ATE1: variants seen among roughly 807,000 people sequenced by gnomAD.
The protein encoded by ATE1 is arginyl-tRNA--protein transferase 1.
A neutral mutation model predicts 70.5 loss-of-function variants in ATE1; 36 were observed. The ratio of observed to expected loss-of-function variants is 0.51; its 90% CI spans 0.39 to 0.67. The LOEUF (loss-of-function observed/expected upper bound fraction) is 0.67, where lower values mean the gene tolerates loss of function less well. ATE1 is among the 30% of genes least tolerant of loss of function. The pLI is 0.00. For synonymous variants in ATE1, 232 were observed against 219.3 expected (o/e 1.06, Z -0.51); for missense variants, 593 against 629.5 (o/e 0.94, Z 0.62).
chr10:121,907,971 G>T (rs966919213), intron 5 of ATE1, among the ~76,000 whole-genome samples: 5 of 152,048 alleles, frequency 3.3e-5, no homozygotes, highest in African/African-American at 1.2e-4. Context: ...TCGAAGAAAT[G>T]CCTGTACAAG....
At chr10:121,917,456 G>A (rs1428492057) in intron 3 of ATE1, among the ~76,000 whole-genome samples, 1 of 152,176 alleles carries the variant, frequency 6.6e-6, no homozygotes, top group East Asian at 1.9e-4. Flanking sequence ...TGGTTCAGTT[G>A]TGAAGCATAT....
At chr10:121,819,841 A>T (rs1399165474) in intron 10 of ATE1, among the ~76,000 whole-genome samples, 1 of 151,594 alleles carries the variant, frequency 6.6e-6, no homozygotes, top group Non-Finnish European at 1.5e-5. Context: ...TAAAATTTAA[A>T]AATAAACCAA....
At chr10:121,748,683 G>T (rs1944463343) in intron 11 of ATE1, among the ~76,000 whole-genome samples, 1 of 151,632 alleles carries the variant, frequency 6.6e-6, no homozygotes, top group African/African-American at 2.4e-5. Flanking sequence ...CACTTTTGAG[G>T]CCTAGAATTG....
chr10:121,835,276 T>C (rs945270160), intron 10 of ATE1, among the ~76,000 whole-genome samples: 1 of 152,168 alleles, frequency 6.6e-6, no homozygotes, highest in African/African-American at 2.4e-5. Flanking sequence ...TCAGCTTACC[T>C]GGACTGTCAA....
intron 9 of ATE1, among the ~76,000 whole-genome samples, chr10:121,840,667 T>A (rs980257872): frequency 6.6e-6 from 1 of 151,942 alleles, no homozygotes; most frequent in African/African-American, 2.4e-5. Context: ...GCATCAGTTC[T>A]AAAGATAGTA....
intron 11 of ATE1, among the ~76,000 whole-genome samples, chr10:121,760,420 C>G (rs972772178): frequency 6.6e-6 from 1 of 152,198 alleles, no homozygotes; most frequent in Non-Finnish European, 1.5e-5. Flanking sequence ...TCAACATTAA[C>G]AGACATTTGG....
intron 11 of ATE1, among the ~76,000 whole-genome samples, chr10:121,746,382 G>A (rs1944371702): frequency 6.6e-6 from 1 of 152,138 alleles, no homozygotes; most frequent in Non-Finnish European, 1.5e-5. Flanking sequence ...ATTAATTACA[G>A]ACTTTCACGC....
chr10:121,762,588 A>G (rs1013532702), intron 11 of ATE1, among the ~76,000 whole-genome samples: 3 of 151,788 alleles, frequency 2.0e-5, no homozygotes, highest in Non-Finnish European at 4.4e-5. Context: ...AAAGATGTGC[A>G]TATTTGGTGA....
chr10:121,767,674 C>T (rs112331648), intron 11 of ATE1, among the ~76,000 whole-genome samples: 3 of 152,090 alleles, frequency 2.0e-5, no homozygotes, highest in African/African-American at 7.2e-5. Context: ...AGGTGATCAA[C>T]AACATTAATC....
intron 8 of ATE1, among the ~76,000 whole-genome samples, chr10:121,850,503 C>T (rs542415999): frequency 1.4e-4 from 21 of 152,140 alleles, no homozygotes; most frequent in Non-Finnish European, 2.4e-4. Flanking sequence ...ATTGTATTTC[C>T]TTAAACCTTA....
upstream of ATE1, chr10:121,928,348 G>A (rs1257755153): frequency 8.5e-6 from 13 of 1,528,934 alleles, no homozygotes; most frequent in Non-Finnish European, 1.1e-5. Flanking sequence ...AACACTCACC[G>A]CAGGACGCTT....
chr10:121,788,918 A>C (rs1946320178), intron 11 of ATE1, among the ~76,000 whole-genome samples: 1 of 152,240 alleles, frequency 6.6e-6, no homozygotes, highest in Non-Finnish European at 1.5e-5. Flanking sequence ...TGCCGTGAGG[A>C]CTACAAGGGC....
intron 11 of ATE1, among the ~76,000 whole-genome samples, chr10:121,745,802 T>A (rs191023079): frequency 2.1e-3 from 319 of 152,258 alleles, no homozygotes; most frequent in Non-Finnish European, 3.7e-3. Flanking sequence ...TGAGGCTGTT[T>A]ATGGCAACAC....
chr10:121,776,324 A>G (rs751918516), intron 11 of ATE1, among the ~76,000 whole-genome samples: 16 of 81,630 alleles, frequency 2.0e-4, no homozygotes, highest in Admixed American at 1.7e-3. Context: ...CCTCCCCACC[A>G]TCCTGCCCAA....
chr10:121,776,459 A>G (rs956528390), intron 11 of ATE1, among the ~76,000 whole-genome samples: 2 of 152,174 alleles, frequency 1.3e-5, no homozygotes, highest in African/African-American at 4.8e-5. Context: ...GCTCTGACCA[A>G]TACATATTAA....
chr10:121,800,578 A>T (rs1379642178), intron 10 of ATE1, among the ~76,000 whole-genome samples: 1 of 152,230 alleles, frequency 6.6e-6, no homozygotes, highest in African/African-American at 2.4e-5. Flanking sequence ...TGAAAGTTCA[A>T]GTTAAATTAA....
At chr10:121,817,139 T>C (rs370264022) in intron 10 of ATE1, among the ~76,000 whole-genome samples, 1 of 152,240 alleles carries the variant, frequency 6.6e-6, no homozygotes, top group East Asian at 1.9e-4. Context: ...GATGTAGATA[T>C]GCATTTTCCC....
At chr10:121,871,532 C>A (rs1253013973) in intron 7 of ATE1, among the ~76,000 whole-genome samples, 1 of 152,112 alleles carries the variant, frequency 6.6e-6, no homozygotes, top group African/African-American at 2.4e-5. Context: ...GATTAGGGTT[C>A]ATTACGTGAT....
Position 121,927,927 on chromosome 10 carries a change from GA to G in ATE1, c.22del (p.Ser8ArgfsTer35). On this transcript the variant is annotated frameshift_variant, in exon 1 of 12. Coordinates refer to ENST00000224652, the MANE Select transcript of ATE1 (RefSeq NM_001001976.3). LOFTEE classifies it high-confidence loss of function. ...AGGGAAATAGTCCACGACGCTGGGC[GA>G]ACCCCCCGCCCAGAAAGCCATGGCC... MAFWAGG[S>X]PSVVDYFPSE... is the part of the protein sequence containing the mutation. 6.3e-7 allele frequency: 1 copy of G among 1,577,858 alleles called. No homozygotes were observed. Among genetic ancestry groups the G allele is most frequent in the African/African-American group, 1.4e-5 (1 of 71,304 alleles).
Sources: gnomAD v4.1 joint callset for allele counts (sites outside exome capture counted in the v4.1 genomes callset) on GRCh38, gnomAD v4.1.1 for gene constraint, MANE v1.5 for transcripts, NCBI Gene and HGNC (gene_info 2026-07-23, HGNC 2026-07-21) for gene names.